The following TSPAN7 variants were observed in gnomAD, a reference collection of about 807,000 sequenced individuals.
TSPAN7 encodes tetraspanin-7.
A neutral mutation model predicts 17.6 loss-of-function variants in TSPAN7; 1 was observed. The observed-to-expected ratio is 0.06, with a 90% CI of 0.02 to 0.27. TSPAN7 has a LOEUF of 0.27. TSPAN7 is among the 10% of genes least tolerant of loss of function. The pLI is 1.00. For synonymous variants in TSPAN7, 78 were observed against 79.0 expected, an observed-to-expected ratio of 0.99 and a Z score of 0.07; for missense variants, 112 against 201.7, an observed-to-expected ratio of 0.56 and a Z score of 2.69.
intron 2 of TSPAN7, among the ~76,000 whole-genome samples, chrX:38,670,438 A>ACTT (rs2069813527): frequency 8.9e-6 from 1 of 112,417 alleles, no homozygotes; most frequent in Non-Finnish European, 1.9e-5. Context: ...AAGTATCAGC[A>ACTT]GCATGAGATG....
At chrX:38,628,471 A>G (rs1002451260) in intron 1 of TSPAN7, among the ~76,000 whole-genome samples, 2 of 111,955 alleles carry the variant, frequency 1.8e-5, no homozygotes, top group African/African-American at 6.5e-5. Context: ...TTACCGGTGC[A>G]TAGTGGGCAG....
At chrX:38,616,033 T>TG in intron 1 of TSPAN7, among the ~76,000 whole-genome samples, 1 of 112,143 alleles carries the variant, frequency 8.9e-6, no homozygotes, top group East Asian at 2.8e-4. Context: ...CATCATTAAA[T>TG]GGGGATAATT....
rs749828706 is a variant in TSPAN7, at chrX:38,582,346, T to TTTC, written c.81+20722_81+20724dup. Among the ~76,000 whole-genome samples, 5 of 111,994 alleles carry TTTC rather than the reference T, an allele frequency of 4.5e-5. No homozygotes were observed. The East Asian group carries it at 1.4e-3, about 32-fold the overall frequency. ...CAAATACAAAGCTCAACACAAAATGTTTCTTAAGTTATATTAGTTAATGCA... is the reference window on the plus strand; with the variant it reads ...CAAATACAAAGCTCAACACAAAATGTTTCTTCTTAAGTTATATTAGTTAATGCA... On this transcript the variant is annotated intron_variant, in intron 1 of 7. Transcript: ENST00000378482.
chrX:38,623,985 T>C (rs1257740463), intron 1 of TSPAN7, among the ~76,000 whole-genome samples: 1 of 97,614 alleles, frequency 1.0e-5, no homozygotes, highest in Non-Finnish European at 2.0e-5. Flanking sequence ...ACAACCCACA[T>C]TGTCATCCAC....
intron 3 of TSPAN7, among the ~76,000 whole-genome samples, chrX:38,673,226 C>T (rs757289398): frequency 3.6e-5 from 4 of 111,705 alleles, no homozygotes; most frequent in African/African-American, 1.3e-4. Flanking sequence ...AGGCATTTTA[C>T]CAATTGGGGG....
intron 1 of TSPAN7, among the ~76,000 whole-genome samples, chrX:38,649,023 A>G (rs2069661714): frequency 9.0e-6 from 1 of 110,745 alleles, no homozygotes; most frequent in Non-Finnish European, 1.9e-5. Context: ...TTTATTTACT[A>G]TATTATTTAC....
chrX:38,687,844 C>A (rs761032001), intron 7 of TSPAN7, 95 bp from the exon 8 acceptor site: 2 of 362,423 alleles, frequency 5.5e-6, no homozygotes, highest in East Asian at 8.9e-5. Context: ...ATAATTGGTT[C>A]TTTTGTGGAA....
chrX:38,565,303 C>T (rs1038429912), intron 1 of TSPAN7, among the ~76,000 whole-genome samples: 3 of 112,082 alleles, frequency 2.7e-5, no homozygotes, highest in Non-Finnish European at 5.6e-5. Flanking sequence ...GACCTCAGCT[C>T]ACTGCAACCT....
chrX:38,616,221 A>G (rs1442687566), intron 1 of TSPAN7, among the ~76,000 whole-genome samples: 1 of 112,194 alleles, frequency 8.9e-6, no homozygotes, highest in Non-Finnish European at 1.9e-5. Flanking sequence ...GCCTCACAAC[A>G]ACTCTGTAAG....
chrX:38,674,392 G>A, intron 4 of TSPAN7, 76 bp downstream of exon 4: 1 of 912,301 alleles, frequency 1.1e-6, no homozygotes, highest in Non-Finnish European at 1.6e-6. Flanking sequence ...CTGTAGGTTG[G>A]CCCAGTAGTT....
At chrX:38,675,547 A>T (rs1319392770) in intron 4 of TSPAN7, among the ~76,000 whole-genome samples, 158 bp from the exon 5 acceptor site, 1 of 112,132 alleles carries the variant, frequency 8.9e-6, no homozygotes, top group African/African-American at 3.2e-5. Flanking sequence ...TATGGGTATA[A>T]TTGTTATTGG....
chrX:38,667,671 C>T (rs2069791691), intron 2 of TSPAN7, among the ~76,000 whole-genome samples: 1 of 112,169 alleles, frequency 8.9e-6, no homozygotes, highest in Non-Finnish European at 1.9e-5. Flanking sequence ...TCAGCCGCCA[C>T]TGATTCTTCA....
intron 5 of TSPAN7, among the ~76,000 whole-genome samples, chrX:38,677,955 A>T (rs2069865161): frequency 8.9e-6 from 1 of 112,131 alleles, no homozygotes; most frequent in Non-Finnish European, 1.9e-5. Flanking sequence ...GAACAAGTGG[A>T]TCATCCCTGT....
At chrX:38,603,191 G>A (rs1046077594) in intron 1 of TSPAN7, among the ~76,000 whole-genome samples, 1 of 111,701 alleles carries the variant, frequency 9.0e-6, no homozygotes, top group Non-Finnish European at 1.9e-5. Flanking sequence ...TAACCATTAG[G>A]AAAATGCAAA....
chrX:38,602,141 A>G (rs2069350069), intron 1 of TSPAN7, among the ~76,000 whole-genome samples: 1 of 111,600 alleles, frequency 9.0e-6, no homozygotes, highest in African/African-American at 3.3e-5. Context: ...TAATATAATG[A>G]AAGCAACTCT....
intron 1 of TSPAN7, among the ~76,000 whole-genome samples, chrX:38,643,776 CG>C (rs1210757137): frequency 9.1e-6 from 1 of 110,406 alleles, no homozygotes; most frequent in Admixed American, 9.7e-5. Flanking sequence ...ACCCAGGAGG[CG>C]GAACTTGCAG....
intron 1 of TSPAN7, among the ~76,000 whole-genome samples, chrX:38,656,538 C>T (rs1235799730): frequency 2.7e-5 from 3 of 111,200 alleles, no homozygotes; most frequent in African/African-American, 9.8e-5. Flanking sequence ...TCAACTGTGC[C>T]AAAAGATAAA....
At chrX:38,586,456 T>C (rs762491604) in intron 1 of TSPAN7, among the ~76,000 whole-genome samples, 1 of 112,457 alleles carries the variant, frequency 8.9e-6, no homozygotes. Flanking sequence ...GATGAAAAGA[T>C]TAAATGACCT....
chrX:38,649,234 A>G (rs961091837), intron 1 of TSPAN7, among the ~76,000 whole-genome samples: 1 of 111,168 alleles, frequency 9.0e-6, no homozygotes, highest in Non-Finnish European at 1.9e-5. Context: ...GCATGGGAAG[A>G]GTCCCTGCTG....
Sources: allele counts gnomAD v4.1 joint callset (sites outside exome capture counted in the v4.1 genomes callset), GRCh38; gene constraint gnomAD v4.1.1; transcripts MANE v1.5; gene names NCBI Gene and HGNC (gene_info 2026-07-23, HGNC 2026-07-21).